CADPS: variants seen among roughly 807,000 people sequenced by gnomAD.
CADPS encodes the protein calcium-dependent secretion activator 1.
In CADPS, 57 loss-of-function variants were observed where a neutral mutation model predicts 167.3. The ratio of observed to expected loss-of-function variants is 0.34; its 90% CI spans 0.28 to 0.42. The LOEUF (loss-of-function observed/expected upper bound fraction) is 0.42. CADPS is among the 20% of genes least tolerant of loss of function. The pLI is 1.00. For synonymous variants in CADPS, 676 were observed against 635.3 expected (o/e 1.06, Z -0.96); for missense variants, 1,414 against 1,738.1 (o/e 0.81, Z 3.32).
chr3:62,427,584 G>T (rs1398101517), intron 28 of CADPS, among the ~76,000 whole-genome samples: 1 of 151,974 alleles, frequency 6.6e-6, no homozygotes, highest in African/African-American at 2.4e-5. Context: ...CCCAACCCCC[G>T]AGTTGTAGCA....
At chr3:62,534,663 C>A (rs745869452) in intron 12 of CADPS, among the ~76,000 whole-genome samples, 10 of 152,050 alleles carry the variant, frequency 6.6e-5, no homozygotes. Flanking sequence ...GGAACTCAGT[C>A]GAAGACACAG....
intron 3 of CADPS, among the ~76,000 whole-genome samples, chr3:62,663,055 C>T (rs1451313049): frequency 6.6e-6 from 1 of 152,072 alleles, no homozygotes; most frequent in Non-Finnish European, 1.5e-5. Context: ...TTTTTTCTAT[C>T]TAAAGAAAAA....
chr3:62,466,155 T>C (rs560359893), intron 25 of CADPS, among the ~76,000 whole-genome samples, 184 bp downstream of exon 25: 3 of 152,296 alleles, frequency 2.0e-5, no homozygotes, highest in Non-Finnish European at 4.4e-5. Flanking sequence ...TTCATCAATT[T>C]ATCTTCACAC....
At chr3:62,434,416 T>C (rs1271152008) in intron 28 of CADPS, among the ~76,000 whole-genome samples, 1 of 152,168 alleles carries the variant, frequency 6.6e-6, no homozygotes, top group African/African-American at 2.4e-5. Context: ...TAGTATTTTA[T>C]AGAAAGACTA....
intron 1 of CADPS, among the ~76,000 whole-genome samples, chr3:62,860,432 C>A (rs570272418): frequency 6.6e-6 from 1 of 152,104 alleles, no homozygotes; most frequent in African/African-American, 2.4e-5. Context: ...TAGGACCATC[C>A]CGTTCTGGCA....
chr3:62,687,606 T>C (rs569120579), intron 3 of CADPS, among the ~76,000 whole-genome samples: 1 of 152,114 alleles, frequency 6.6e-6, no homozygotes, highest in African/African-American at 2.4e-5. Flanking sequence ...ATTTTCAGTT[T>C]TCAGGGGTGA....
chr3:62,428,343 G>T (rs1241354404), intron 28 of CADPS, among the ~76,000 whole-genome samples: 3 of 133,404 alleles, frequency 2.2e-5, no homozygotes, highest in African/African-American at 5.7e-5. Flanking sequence ...TTGAGGTCCG[G>T]GTGGAACTAT....
At chr3:62,520,799 A>C (rs2123142) in intron 13 of CADPS, among the ~76,000 whole-genome samples, 4,253 of 152,346 alleles carry the variant, frequency 0.028, 72 homozygotes, top group East Asian at 0.052. Flanking sequence ...CAAAGATCAT[A>C]GGTTGTAACC....
intron 29 of CADPS, among the ~76,000 whole-genome samples, chr3:62,402,053 C>T (rs758105886): frequency 2.6e-5 from 4 of 152,074 alleles, no homozygotes; most frequent in South Asian, 4.1e-4. Flanking sequence ...TGTATACATT[C>T]GTTTTTTAAG....
intron 20 of CADPS, 37 bp downstream of exon 20, chr3:62,492,253 T>C (rs375217100): frequency 1.3e-6 from 2 of 1,589,080 alleles, no homozygotes; most frequent in Admixed American, 1.7e-5. Flanking sequence ...ATCTGCACAC[T>C]ACTTAGGAAA....
At chr3:62,776,350 A>G (rs759561099) in intron 1 of CADPS, among the ~76,000 whole-genome samples, 1 of 152,214 alleles carries the variant, frequency 6.6e-6, no homozygotes, top group Non-Finnish European at 1.5e-5. Context: ...GGAGAGTGAC[A>G]TGGTTTAAGA....
chr3:62,603,402 T>C (rs1016118857), intron 6 of CADPS, among the ~76,000 whole-genome samples: 1 of 152,236 alleles, frequency 6.6e-6, no homozygotes, highest in African/African-American at 2.4e-5. Flanking sequence ...TTACTTATTG[T>C]TATATTCCAG....
intron 11 of CADPS, among the ~76,000 whole-genome samples, chr3:62,547,595 C>CA (rs1553906245): frequency 1.8e-5 from 2 of 112,582 alleles, no homozygotes; most frequent in Admixed American, 8.4e-5. Flanking sequence ...CGCCCCCCCC[C>CA]CCCCGCAAAT....
chr3:62,561,863 G>A (rs1420363133), intron 9 of CADPS, among the ~76,000 whole-genome samples: 2 of 152,038 alleles, frequency 1.3e-5, no homozygotes, highest in East Asian at 3.9e-4. Context: ...ACTGAACTCT[G>A]GTCACCAGCC....
chr3:62,511,634 T>A (rs138312745), intron 17 of CADPS, among the ~76,000 whole-genome samples: 461 of 152,274 alleles, frequency 3.0e-3, no homozygotes, highest in Admixed American at 4.2e-3. Context: ...CTAGCTCCCC[T>A]TTGCTTATTC....
At chr3:62,625,318 T>C in intron 6 of CADPS, 1 of 150,396 alleles carries the variant, frequency 6.6e-6, no homozygotes, top group East Asian at 1.9e-4. Context: ...GCATAAACAT[T>C]GTAAAATTCA....
intron 27 of CADPS, among the ~76,000 whole-genome samples, chr3:62,441,869 A>G (rs2056371654): frequency 6.6e-6 from 1 of 152,158 alleles, no homozygotes; most frequent in Non-Finnish European, 1.5e-5. Flanking sequence ...CTAGTTTCCA[A>G]TATGTAGCCA....
chr3:62,435,483 G>A (rs1014307837), intron 28 of CADPS, among the ~76,000 whole-genome samples: 12 of 152,146 alleles, frequency 7.9e-5, no homozygotes, highest in African/African-American at 1.9e-4. Context: ...GAAGCTTTTC[G>A]AGAAGCTCTG....
intron 13 of CADPS, among the ~76,000 whole-genome samples, chr3:62,524,236 T>C (rs2071464988): frequency 6.6e-6 from 1 of 152,204 alleles, no homozygotes; most frequent in African/African-American, 2.4e-5. Context: ...CATTATCTTC[T>C]CAAAAGGAGA....
Sources: gnomAD v4.1 joint callset for allele counts (sites outside exome capture counted in the v4.1 genomes callset) on GRCh38, gnomAD v4.1.1 for gene constraint, MANE v1.5 for transcripts, NCBI Gene and HGNC (gene_info 2026-07-23, HGNC 2026-07-21) for gene names.